ZNF256: variants seen among roughly 807,000 people sequenced by gnomAD.
ZNF256 encodes the protein bone marrow zinc finger 3.
ZNF256 carries 4 observed loss-of-function variants against 7.9 expected under a neutral mutation model. The ratio of observed to expected loss-of-function variants is 0.50; its 90% CI spans 0.25 to 1.15. The LOEUF is 1.15. Among genes scored for constraint, ZNF256 ranks in the 50% most tolerant of loss-of-function variants. The pLI is 0.15. For missense variants in ZNF256, 666 were observed against 755.9 expected (o/e 0.88, Z 1.39); for synonymous variants, 260 against 260.4 (o/e 1.00, Z 0.02).
Position 57,942,629 on chromosome 19 carries a change from T to A in ZNF256, c.179A>T (p.Asp60Val). 7 of 1,613,288 alleles carry A rather than the reference T, an allele frequency of 4.3e-6. No individual in the cohort carries two copies. The highest frequency in any genetic ancestry group is 5.9e-6 in the Non-Finnish European group (7 of 1,179,404). The change falls in exon 3 of 3, where the codon GAT becomes GTT. Residue 60 changes from aspartate (D) to valine (V), a missense_variant. Physicochemically the swap from Asp to Val is radical, Grantham distance 152. Transcript: ENST00000282308. ...GCTCTGCTGATAAGGTGCCTCCTCA[T>A]CCCCTGCTCCAGAACCACCTGAAAG... ...TTSLGGSGAG[D>V]EEAPYQQSTS...
At chr19:57,943,903 C>T (rs759282905) in intron 2 of ZNF256, 31 bp downstream of exon 2, 3 of 1,610,310 alleles carry the variant, frequency 1.9e-6, no homozygotes, top group Admixed American at 1.7e-5. Flanking sequence ...AAGGCTAGCT[C>T]GGGGCATAGA....
intron 1 of ZNF256, among the ~76,000 whole-genome samples, chr19:57,946,859 A>G (rs982586104): frequency 6.6e-6 from 1 of 152,204 alleles, no homozygotes; most frequent in Non-Finnish European, 1.5e-5. Flanking sequence ...AAGCATTTGC[A>G]CATCTTGTAC....
rs924356267 is a variant in ZNF256 at position 57,945,371 on chromosome 19, T to G, written c.34-1311A>C. Among the ~76,000 whole-genome samples, 3 of 152,176 alleles carry G rather than the reference T, an allele frequency of 2.0e-5. No individual in the cohort carries two copies. The East Asian group carries it at 5.8e-4, about 29-fold the overall frequency. On this transcript the variant is annotated intron_variant, in intron 1 of 2. Coordinates refer to ENST00000282308, the MANE Select transcript of ZNF256 (RefSeq NM_005773.3). ...TGGTCCCCAGAGGAGGGGACTGGCT[T>G]GTTTGAATAACTCAAAAAATTGATA...
chr19:57,946,341 T>A (rs948078137), intron 1 of ZNF256, among the ~76,000 whole-genome samples: 1 of 152,208 alleles, frequency 6.6e-6, no homozygotes, highest in Non-Finnish European at 1.5e-5. Context: ...AAGATCTGAC[T>A]CTTAGCATGG....
At chr19:57,943,758 G>A (rs2072746134) in intron 2 of ZNF256, among the ~76,000 whole-genome samples, 176 bp downstream of exon 2, 1 of 152,184 alleles carries the variant, frequency 6.6e-6, no homozygotes, top group Non-Finnish European at 1.5e-5. Context: ...GGAAGCAGGT[G>A]TTGCTTGCTC....
At position 57,941,852 on chromosome 19, in the gene ZNF256, C is replaced by G; in HGVS notation, c.956G>C (p.Gly319Ala). The G allele has an allele frequency of 6.2e-7, 1 of 1,614,218 alleles. No homozygotes were observed. The highest frequency in any genetic ancestry group is 8.5e-7 in the Non-Finnish European group (1 of 1,180,040). Reference protein sequence around the residue: ...DLLIHQRVHTGERPYKCSECG... With the variant: ...DLLIHQRVHTAERPYKCSECG... Reference sequence around the variant, plus strand: ...TTCACTGCACTTGTAAGGCCTTTCTCCAGTATGAACTCTCTGATGTATAAG... The same window carrying G: ...TTCACTGCACTTGTAAGGCCTTTCTGCAGTATGAACTCTCTGATGTATAAG... The change falls in exon 3 of 3, where the codon GGA (glycine) becomes GCA (alanine). Residue 319 changes from glycine to alanine, a missense_variant. Physicochemically the swap from Gly to Ala is moderately conservative, Grantham distance 60. Transcript: ENST00000282308.
chr19:57,947,415 G>A (rs1451867007), intron 1 of ZNF256, 27 bp downstream of exon 1: 2 of 1,248,494 alleles, frequency 1.6e-6, no homozygotes, highest in East Asian at 3.2e-5. Flanking sequence ...GGGAGGGCGG[G>A]GAAGGCCCAG....
At chr19:57,946,632 C>T (rs1200483433) in intron 1 of ZNF256, among the ~76,000 whole-genome samples, 3 of 152,180 alleles carry the variant, frequency 2.0e-5, no homozygotes, top group Admixed American at 2.0e-4. Flanking sequence ...CCTCAACCCC[C>T]CAGTTTGTGC....
intron 1 of ZNF256, among the ~76,000 whole-genome samples, chr19:57,945,595 C>T (rs976406201): frequency 2.0e-5 from 3 of 152,158 alleles, no homozygotes; most frequent in African/African-American, 4.8e-5. Flanking sequence ...CCTTAATTTC[C>T]GGCCTTATAC....
At position 57,941,970 on chromosome 19, in the gene ZNF256, A is replaced by T; in HGVS notation, c.838T>A (p.Ser280Thr). 6.2e-7 allele frequency: 1 copy of T among 1,614,160 alleles called. No homozygotes were observed. The highest frequency in any genetic ancestry group is 8.5e-7 in the Non-Finnish European group (1 of 1,179,996). Residue 280 changes from serine to threonine, a missense_variant, in exon 3 of 3, where the codon TCT becomes ACT. Physicochemically the swap from Ser to Thr is moderately conservative, Grantham distance 58. Coordinates refer to ENST00000282308, the MANE Select transcript of ZNF256 (RefSeq NM_005773.3). ...ATTCTTCGGTGCGTAATAAGGCTAG[A>T]GCTTTGCCTATAGGATTTCCCACAT... ...GECGKSYRQS[S>T]SLITHRRIHT...
At position 57,942,595 on chromosome 19, in the gene ZNF256, T is replaced by C; in HGVS notation, c.213A>G (p.Pro71=). Residue 71 remains proline, a synonymous_variant, in exon 3 of 3, where the codon CCA becomes CCG. Coordinates refer to ENST00000282308, the MANE Select transcript of ZNF256 (RefSeq NM_005773.3). ...EEAPYQQSTS[P]QRVSQVRIPK... Reference sequence around the variant, plus strand: ...GAATCCTAACCTGTGACACCCGCTGTGGAGAAGTGCTCTGCTGATAAGGTG... The same window carrying C: ...GAATCCTAACCTGTGACACCCGCTGCGGAGAAGTGCTCTGCTGATAAGGTG... The C allele has an allele frequency of 6.2e-7, 1 of 1,614,180 alleles. No individual in the cohort carries two copies. The highest frequency in any genetic ancestry group is 8.5e-7 in the Non-Finnish European group (1 of 1,180,016).
At position 57,942,498 on chromosome 19, in the gene ZNF256, G is replaced by C; in HGVS notation, c.310C>G (p.His104Asp). The C allele has an allele frequency of 6.2e-7, 1 of 1,614,180 alleles. No individual in the cohort carries two copies. Among genetic ancestry groups the C allele is most frequent in the Non-Finnish European group, 8.5e-7 (1 of 1,180,032 alleles). ...TGTGTTCCTTGGTGTTCAACCAAGTGCAAAATCTGTCTCAAGACTGGGCCA... is the reference window on the plus strand; with the variant it reads ...TGTGTTCCTTGGTGTTCAACCAAGTCCAAAATCTGTCTCAAGACTGGGCCA... ...ICGPVLRQIL[H>D]LVEHQGTHHG... The change falls in exon 3 of 3, where the codon CAC becomes GAC. Residue 104 changes from histidine to aspartate, a missense_variant. By Grantham distance (81) the His-to-Asp change is moderately conservative. Transcript: ENST00000282308.
intron 1 of ZNF256, among the ~76,000 whole-genome samples, chr19:57,945,265 C>T (rs1002899118): frequency 4.6e-5 from 7 of 152,072 alleles, no homozygotes; most frequent in African/African-American, 1.2e-4. Context: ...CAGGGCCATA[C>T]GGAGGTAGTA....
Position 57,941,713 on chromosome 19 carries a change from G to C in ZNF256, c.1095C>G (p.Ser365Arg). 6.2e-7 allele frequency: 1 copy of C among 1,613,860 alleles called. No homozygotes were observed. Among genetic ancestry groups the C allele is most frequent in the Non-Finnish European group, 8.5e-7 (1 of 1,179,964 alleles). ...TGTGAACTCTCTGGTGTGTAATAAG[G>C]CTAGAACTATGGATAAAAGATTTCC... Reference protein sequence around the residue: ...ECGKSFIHSSSLITHQRVHTG... With the variant: ...ECGKSFIHSSRLITHQRVHTG... Residue 365 changes from serine to arginine, a missense_variant, in exon 3 of 3, where the codon AGC (serine) becomes AGG (arginine). Transcript: ENST00000282308.
In ZNF256 at chr19:57,941,747, C is replaced by T. The variant is rs764991029; in HGVS notation, c.1061G>A (p.Ser354Asn). 5.6e-6 allele frequency: 9 copies of T among 1,613,950 alleles called. No individual in the cohort carries two copies. The highest frequency in any genetic ancestry group is 7.6e-6 in the Non-Finnish European group (9 of 1,179,998). The change falls in exon 3 of 3, where the codon AGT becomes AAT. Residue 354 changes from serine to asparagine, a missense_variant. Coordinates refer to ENST00000282308, the MANE Select transcript of ZNF256 (RefSeq NM_005773.3). ...ATGGATAAAAGATTTCCCACATTCA[C>T]TGCACTCATAAGGCCTCATTCCAGT... ...IHTGMRPYEC[S>N]ECGKSFIHSS...
At chr19:57,944,650 C>T (rs1354651034) in intron 1 of ZNF256, among the ~76,000 whole-genome samples, 2 of 152,126 alleles carry the variant, frequency 1.3e-5, no homozygotes, top group Non-Finnish European at 2.9e-5. Context: ...GGGTGAAACC[C>T]CATCTCTACT....
At chr19:57,943,815 C>T (rs2072746498) in intron 2 of ZNF256, 119 bp downstream of exon 2, 2 of 1,369,888 alleles carry the variant, frequency 1.5e-6, no homozygotes, top group Admixed American at 2.3e-5. Context: ...CCAACCGCAG[C>T]ACCTGCCCAG....
Position 57,941,788 on chromosome 19 carries a change from T to C in ZNF256, c.1020A>G (p.Thr340=). The C allele has an allele frequency of 1.2e-6, 2 of 1,613,904 alleles. No homozygotes were observed. Among genetic ancestry groups the C allele is most frequent in the Non-Finnish European group, 1.7e-6 (2 of 1,179,916 alleles). Residue 340 remains threonine (T), a synonymous_variant, in exon 3 of 3, where the codon ACA becomes ACG. Coordinates refer to ENST00000282308, the MANE Select transcript of ZNF256 (RefSeq NM_005773.3). ...TCATTCCAGTATGAATTCTCTGGTGTGTAATGAGGCTAGAGCTATGGCTAA... is the reference window on the plus strand; with the variant it reads ...TCATTCCAGTATGAATTCTCTGGTGCGTAATGAGGCTAGAGCTATGGCTAA... ...KSFSHSSSLI[T]HQRIHTGMRP...
chr19:57,941,180 C>T lies in ZNF256; in HGVS notation c.1628G>A (p.Gly543Glu). The change falls in exon 3 of 3, where the codon GGA becomes GAA. Residue 543 changes from glycine (G) to glutamate (E), a missense_variant. Coordinates refer to ENST00000282308, the MANE Select transcript of ZNF256 (RefSeq NM_005773.3). ...CTCACTGCACTCATAAGGCCTTTCT[C>T]CGGTGTGACTTCTCCTATGTCTAAT... The part of the protein sequence containing the change: ...SLIRHRRSHT[G>E]ERPYECSECW... 2 of 1,614,208 alleles carry T rather than the reference C, an allele frequency of 1.2e-6. No homozygotes were observed.
Sources: allele counts gnomAD v4.1 joint callset (sites outside exome capture counted in the v4.1 genomes callset), GRCh38; gene constraint gnomAD v4.1.1; transcripts MANE v1.5; gene names NCBI Gene and HGNC (gene_info 2026-07-23, HGNC 2026-07-21).